LARP4B: variants seen among roughly 807,000 people sequenced by gnomAD.
LARP4B encodes the protein la-related protein 4B.
LARP4B carries 12 observed loss-of-function variants against 89.8 expected under a neutral mutation model. The ratio of observed to expected loss-of-function variants is 0.13; its 90% CI spans 0.09 to 0.22. LARP4B has a LOEUF of 0.22. Among genes scored for constraint, LARP4B ranks in the 10% least tolerant of loss-of-function variants. The pLI is 1.00. For synonymous variants in LARP4B, 367 were observed against 363.3 expected, an observed-to-expected ratio of 1.01 and a Z score of -0.12; for missense variants, 757 against 947.7, an observed-to-expected ratio of 0.80 and a Z score of 2.64.
chr10:957,800 C>CTTTT, the LARP4B span, among the ~76,000 whole-genome samples: 71 of 125,036 alleles, frequency 5.7e-4, no homozygotes, highest in Middle Eastern at 4.3e-3. Flanking sequence ...CATTTTCTTT[C>CTTTT]TTTTTTTTTT....
At chr10:882,162 TGA>T (rs1210947359) in intron 3 of LARP4B, among the ~76,000 whole-genome samples, 1 of 152,170 alleles carries the variant, frequency 6.6e-6, no homozygotes, top group Non-Finnish European at 1.5e-5. Context: ...ATTATGGTGA[TGA>T]TTACACAACT....
At chr10:873,944 A>T (rs1167963796) in intron 3 of LARP4B, among the ~76,000 whole-genome samples, 1 of 152,214 alleles carries the variant, frequency 6.6e-6, no homozygotes, top group Non-Finnish European at 1.5e-5. Flanking sequence ...TAAAGACAGT[A>T]GTCCAGGCCG....
In LARP4B at chr10:814,194, TA is replaced by T. The variant is rs1294492993; in HGVS notation, c.1929+547del. On this transcript the variant is annotated intron_variant, in intron 17 of 17. Transcript: ENST00000316157. This position sits in a 1 kb window ranked among gnomAD's most constrained non-coding sequence, Gnocchi z 4.4. ...CTCAGCCCAGGGGACAGTAAGGGATTAAACTCCCAAATTCAAGGAAAAGGCT... is the reference window on the plus strand; with the variant it reads ...CTCAGCCCAGGGGACAGTAAGGGATTAACTCCCAAATTCAAGGAAAAGGCT... 5.3e-5 allele frequency among the ~76,000 whole-genome samples: 8 copies of T among 152,032 alleles called. No individual in the cohort carries two copies. The highest frequency in any genetic ancestry group is 2.0e-4 in the Admixed American group (3 of 15,284).
At chr10:827,271 G>C (rs1832681885) in intron 11 of LARP4B, among the ~76,000 whole-genome samples, 1 of 109,148 alleles carries the variant, frequency 9.2e-6, no homozygotes, top group Admixed American at 9.1e-5. Flanking sequence ...GAGAGACTCT[G>C]TCTCAAAGAA....
chr10:847,499 T>G (rs1833829386), intron 5 of LARP4B, among the ~76,000 whole-genome samples: 1 of 151,850 alleles, frequency 6.6e-6, no homozygotes, highest in South Asian at 2.1e-4. Context: ...AGGACATAGA[T>G]TCCTATGTGA....
At chr10:879,809 T>C (rs1588957346) in intron 3 of LARP4B, among the ~76,000 whole-genome samples, 1 of 151,864 alleles carries the variant, frequency 6.6e-6, no homozygotes, top group Non-Finnish European at 1.5e-5. Context: ...GTTTCGCTCT[T>C]GTTGCCCAGG....
At chr10:949,703 G>A in the LARP4B span, among the ~76,000 whole-genome samples, 4 of 152,312 alleles carry the variant, frequency 2.6e-5, no homozygotes, top group Admixed American at 6.5e-5. Context: ...CACTATGTTC[G>A]GTGTCATTCT....
At chr10:922,399 C>A (rs1431257335) in intron 1 of LARP4B, among the ~76,000 whole-genome samples, 1 of 152,170 alleles carries the variant, frequency 6.6e-6, no homozygotes, top group Admixed American at 6.5e-5. Context: ...GCAACCTGAA[C>A]TAGCAATTTA....
At chr10:939,505 A>C in the LARP4B span, among the ~76,000 whole-genome samples, 3 of 152,352 alleles carry the variant, frequency 2.0e-5, no homozygotes, top group South Asian at 6.2e-4. Flanking sequence ...TTTGAAACTA[A>C]CACCACTCTG....
chr10:919,739 T>C (rs868856736), intron 1 of LARP4B, among the ~76,000 whole-genome samples: 1 of 152,192 alleles, frequency 6.6e-6, no homozygotes, highest in African/African-American at 2.4e-5. Flanking sequence ...GGTGTTGAAG[T>C]TGGATCCAAG....
At chr10:897,632 A>G (rs1461972673) in intron 1 of LARP4B, among the ~76,000 whole-genome samples, 10 of 152,220 alleles carry the variant, frequency 6.6e-5, no homozygotes, top group Non-Finnish European at 1.5e-4. Flanking sequence ...TACGGAACAT[A>G]TATCTAGAAT....
At chr10:960,110 C>T in the LARP4B span, among the ~76,000 whole-genome samples, 1 of 152,162 alleles carries the variant, frequency 6.6e-6, no homozygotes. Context: ...ATGCATGTCA[C>T]TAAGCGGAAG....
chr10:863,876 A>G lies in LARP4B; in HGVS notation c.297T>C (p.Asp99=). Residue 99 remains aspartate, a synonymous_variant, in exon 5 of 18, where the codon GAT becomes GAC. Transcript: ENST00000316157. Reference sequence around the variant, plus strand: ...GGCCCTGGTCACCATCACCATTGGCATCCGATCCTACAATTAGGAGTTTAC... The same window carrying G: ...GGCCCTGGTCACCATCACCATTGGCGTCCGATCCTACAATTAGGAGTTTAC... ...HHADRGPQGS[D]ANGDGDQGHE... The G allele has an allele frequency of 6.2e-7, 1 of 1,610,436 alleles. No individual in the cohort carries two copies.
Position 814,626 on chromosome 10 carries a change from TAAA to T in LARP4B, c.1929+113_1929+115del, listed in dbSNP as rs1414555382. On this transcript the variant is annotated intron_variant, in intron 17 of 17. Transcript: ENST00000316157. This position sits in a 1 kb window ranked among gnomAD's most constrained non-coding sequence, Gnocchi z 4.4. ...AAAACACAACACAGACAGACGCAAATAAAAACCCACCAAATTAGATGTGATTAA... is the reference window on the plus strand; with the variant it reads ...AAAACACAACACAGACAGACGCAAATAACCCACCAAATTAGATGTGATTAA... The T allele has an allele frequency of 3.9e-6, 6 of 1,549,408 alleles. No homozygotes were observed. Among genetic ancestry groups the T allele is most frequent in the Non-Finnish European group, 5.2e-6 (6 of 1,146,184 alleles).
At chr10:908,863 G>T (rs551777062) in intron 1 of LARP4B, among the ~76,000 whole-genome samples, 2 of 152,190 alleles carry the variant, frequency 1.3e-5, no homozygotes, top group African/African-American at 2.4e-5. Flanking sequence ...TGCAGCACGG[G>T]GGGGGCCTCC....
chr10:914,795 A>G (rs1370652471), intron 1 of LARP4B, among the ~76,000 whole-genome samples: 2 of 151,252 alleles, frequency 1.3e-5, no homozygotes, highest in South Asian at 2.1e-4. Context: ...AGGTAGACTC[A>G]GCGCCCCACC....
intron 15 of LARP4B, among the ~76,000 whole-genome samples, chr10:817,065 C>T (rs893939610): frequency 6.6e-6 from 1 of 152,226 alleles, no homozygotes; most frequent in Non-Finnish European, 1.5e-5. Context: ...CTGGGCTCTT[C>T]CTATGCACAG....
chr10:840,124 G>A (rs905509706), intron 7 of LARP4B, among the ~76,000 whole-genome samples: 5 of 151,998 alleles, frequency 3.3e-5, no homozygotes, highest in Non-Finnish European at 4.4e-5. Context: ...GGTAGAGGAC[G>A]CTTGGCGGGG....
chr10:825,805 C>T lies in LARP4B; in HGVS notation c.1191G>A (p.Ala397=), dbSNP rs41289275. 0.024 allele frequency: 38,748 copies of T among 1,613,596 alleles called. 590 individuals are homozygous for T. The highest frequency in any genetic ancestry group is 0.041 in the South Asian group (3,730 of 90,920). ...GFTSPAFKPA[A]SPLTSLRQYP... Reference sequence around the variant, plus strand: ...ACTGTCTGAGAGAAGTCAGAGGAGACGCCGCAGGCTTGAACGCTGGAGACG... The same window carrying T: ...ACTGTCTGAGAGAAGTCAGAGGAGATGCCGCAGGCTTGAACGCTGGAGACG... Residue 397 remains alanine (A), a synonymous_variant, in exon 12 of 18, where the codon GCG becomes GCA. Coordinates refer to ENST00000316157, the MANE Select transcript of LARP4B (RefSeq NM_015155.3).
Sources: gnomAD v4.1 joint callset for allele counts (sites outside exome capture counted in the v4.1 genomes callset) on GRCh38, gnomAD v4.1.1 for gene constraint, Gnocchi (gnomAD v3.1) non-coding constraint, MANE v1.5 for transcripts, NCBI Gene and HGNC (gene_info 2026-07-23, HGNC 2026-07-21) for gene names.